The following INO80D variants were observed in gnomAD, a reference collection of about 807,000 sequenced individuals.
The protein encoded by INO80D is INO80 complex subunit D.
A neutral mutation model predicts 87.6 loss-of-function variants in INO80D; 21 were observed. The observed-to-expected ratio is 0.24, with a 90% CI of 0.17 to 0.35. INO80D has a LOEUF of 0.35. INO80D is among the 10% of genes least tolerant of loss of function. The probability of loss-of-function intolerance (pLI) is 1.00; values close to 1 mark genes in which losing one functional copy is unlikely to be tolerated. For missense variants in INO80D, 982 were observed against 1,280.7 expected (o/e 0.77, Z 3.56); for synonymous variants, 440 against 491.0 (o/e 0.90, Z 1.37).
Position 206,005,158 on chromosome 2 carries a change from G to T in INO80D, c.2294C>A (p.Thr765Asn), listed in dbSNP as rs374385058. Residue 765 changes from threonine (T) to asparagine (N), a missense_variant, in exon 11 of 11, where the codon ACT becomes AAT. Coordinates refer to ENST00000403263, the MANE Select transcript of INO80D (RefSeq NM_017759.5). The stretch of plus-strand genomic sequence containing the variant: ...ACTCTGGCTGATCAGAGTGGCAGAA[G>T]TAAGGCCAACGTTGGCTGGGGCAGA... ...QFSAPANVGL[T>N]SATLISQSAL... 71 of 1,613,912 alleles carry T rather than the reference G, an allele frequency of 4.4e-5. No individual in the cohort carries two copies. The highest frequency in any genetic ancestry group is 5.7e-5 in the Non-Finnish European group (67 of 1,179,898).
chr2:206,062,954 G>T lies in INO80D; in HGVS notation c.63C>A (p.Ser21Arg), dbSNP rs1689725209. The change falls in exon 3 of 11, where the codon AGC (serine) becomes AGA (arginine). Residue 21 changes from serine (S) to arginine (R), a missense_variant. Transcript: ENST00000403263. This position sits in a 1 kb window ranked among gnomAD's most constrained non-coding sequence, Gnocchi z 4.6. ...GTCGCCTCTGCTTGCACAGTTTGGG[G>T]CTATATGAGCACAAGGGCTTATTGT... ...EVDNKPLCSY[S>R]PKLCKQRRLN... 6.2e-7 allele frequency: 1 copy of T among 1,613,202 alleles called. No individual in the cohort carries two copies. The highest frequency in any genetic ancestry group is 8.5e-7 in the Non-Finnish European group (1 of 1,179,700).
intron 5 of INO80D, among the ~76,000 whole-genome samples, chr2:206,036,579 G>C (rs895105329): frequency 3.3e-5 from 5 of 152,136 alleles, no homozygotes; most frequent in Admixed American, 3.3e-4. Context: ...TGGGGACTTG[G>C]GGGGAAGGGT....
intron 5 of INO80D, among the ~76,000 whole-genome samples, chr2:206,032,172 C>T (rs909843380): frequency 1.3e-5 from 2 of 152,260 alleles, no homozygotes; most frequent in African/African-American, 2.4e-5. Context: ...TTGAACCTGG[C>T]GAGAAGCCTC....
intron 5 of INO80D, among the ~76,000 whole-genome samples, chr2:206,029,012 T>C (rs1196196976): frequency 6.6e-6 from 1 of 151,816 alleles, no homozygotes; most frequent in Non-Finnish European, 1.5e-5. Context: ...CTCAGCCTCA[T>C]GAGTAGCTGG....
At chr2:206,049,619 T>C (rs1231025658) in intron 4 of INO80D, among the ~76,000 whole-genome samples, 1 of 152,176 alleles carries the variant, frequency 6.6e-6, no homozygotes, top group Admixed American at 6.5e-5. Context: ...TTGGCTTCAT[T>C]ATCACTAGTT....
intron 1 of INO80D, among the ~76,000 whole-genome samples, chr2:206,065,830 T>A (rs1689801014): frequency 6.6e-6 from 1 of 152,134 alleles, no homozygotes; most frequent in African/African-American, 2.4e-5. Flanking sequence ...AAATCAAAAT[T>A]GGGGTAAGGT....
chr2:206,011,899 G>C (rs368671115), intron 8 of INO80D, among the ~76,000 whole-genome samples: 1 of 152,220 alleles, frequency 6.6e-6, no homozygotes, highest in Non-Finnish European at 1.5e-5. Context: ...AAATGAGGTA[G>C]AGTATGAGGA....
At chr2:206,064,248 T>G (rs942568404) in intron 1 of INO80D, among the ~76,000 whole-genome samples, 3 of 151,640 alleles carry the variant, frequency 2.0e-5, no homozygotes, top group African/African-American at 7.3e-5. Flanking sequence ...CAATACTCAC[T>G]ACCAATCTAC....
At chr2:206,078,810 G>T (rs540428681) in intron 1 of INO80D, among the ~76,000 whole-genome samples, 25 of 152,068 alleles carry the variant, frequency 1.6e-4, no homozygotes, top group Admixed American at 2.6e-4. Flanking sequence ...TGGGTGTGGT[G>T]GTGGGCGCCT....
intron 10 of INO80D, among the ~76,000 whole-genome samples, 189 bp downstream of exon 10, chr2:206,007,095 G>A (rs926666845): frequency 4.6e-5 from 7 of 152,176 alleles, no homozygotes; most frequent in African/African-American, 1.7e-4. Flanking sequence ...TTATGAGATG[G>A]TTAAACAAAC....
intron 1 of INO80D, among the ~76,000 whole-genome samples, chr2:206,071,381 C>CCA (rs1449861222): frequency 2.9e-5 from 4 of 137,380 alleles, no homozygotes; most frequent in African/African-American, 1.1e-4. Flanking sequence ...AAGCAATCCT[C>CCA]CACCATAGCT....
At chr2:206,016,521 GA>G (rs1688322956) in intron 8 of INO80D, among the ~76,000 whole-genome samples, 1 of 152,180 alleles carries the variant, frequency 6.6e-6, no homozygotes, top group South Asian at 2.1e-4. Context: ...AGTTAATGCT[GA>G]AATGAGCTGA....
chr2:206,076,896 A>C (rs1016198824), intron 1 of INO80D, among the ~76,000 whole-genome samples: 4 of 152,170 alleles, frequency 2.6e-5, no homozygotes, highest in African/African-American at 9.7e-5. Flanking sequence ...TTGTAATTGT[A>C]TGTATCTCAT....
At chr2:206,051,742 C>T (rs559144723) in intron 4 of INO80D, among the ~76,000 whole-genome samples, 1 of 152,194 alleles carries the variant, frequency 6.6e-6, no homozygotes, top group African/African-American at 2.4e-5. Context: ...CTCACGTGAT[C>T]CTCCTGTCTT....
At chr2:206,017,908 A>C (rs1575806654) in intron 7 of INO80D, 95 bp from the exon 8 acceptor site, 9 of 1,038,954 alleles carry the variant, frequency 8.7e-6, no homozygotes, top group Non-Finnish European at 1.1e-5. Flanking sequence ...TCATAAGTAC[A>C]AGCTTTATTA....
intron 5 of INO80D, among the ~76,000 whole-genome samples, chr2:206,040,054 A>G (rs1575834498): frequency 6.6e-6 from 1 of 151,948 alleles, no homozygotes; most frequent in Admixed American, 6.6e-5. Flanking sequence ...GCACTTTGGG[A>G]GGCCAAGGTA....
rs563438602 is a variant in INO80D, at chr2:206,041,306, T to C, written c.1073+5198A>G. Among the ~76,000 whole-genome samples, 9 of 152,282 alleles carry C rather than the reference T, an allele frequency of 5.9e-5. No homozygotes were observed. The South Asian group carries it at 6.2e-4, about 11-fold the overall frequency. On this transcript the variant is annotated intron_variant, in intron 5 of 10. Coordinates refer to ENST00000403263, the MANE Select transcript of INO80D (RefSeq NM_017759.5). ...TAGAAAAGCAAGACCCAGTAATACA[T>C]TGCCAGTAAGAAACTCACTTTAAAT... is the stretch of plus-strand genomic sequence containing the variant.
intron 1 of INO80D, among the ~76,000 whole-genome samples, chr2:206,079,656 C>A (rs1381978272): frequency 1.3e-5 from 2 of 152,204 alleles, no homozygotes. Context: ...GGTCTAATTA[C>A]AGTCTTGTCC....
intron 6 of INO80D, among the ~76,000 whole-genome samples, chr2:206,022,920 C>T (rs527491007): frequency 2.4e-4 from 36 of 152,214 alleles, no homozygotes; most frequent in African/African-American, 6.7e-4. Context: ...GGATCCAGGC[C>T]GGGCGCAGTG....
Sources: gnomAD v4.1 joint callset for allele counts (sites outside exome capture counted in the v4.1 genomes callset) on GRCh38, gnomAD v4.1.1 for gene constraint, Gnocchi (gnomAD v3.1) non-coding constraint, MANE v1.5 for transcripts, NCBI Gene and HGNC (gene_info 2026-07-23, HGNC 2026-07-21) for gene names.